The following RREB1 variants were observed in gnomAD, a reference collection of about 807,000 sequenced individuals.
RREB1 encodes ras responsive element binding protein 1.
RREB1 carries 27 observed loss-of-function variants against 117.8 expected under a neutral mutation model. The observed-to-expected ratio is 0.23, with a 90% CI of 0.17 to 0.32. The LOEUF is 0.32. RREB1 is among the 10% of genes least tolerant of loss of function. RREB1 has a pLI of 1.00. For missense variants in RREB1, 2,577 were observed against 2,378.2 expected (o/e 1.08, Z -1.74); for synonymous variants, 1,298 against 1,026.7 (o/e 1.26, Z -5.05).
intron 10 of RREB1, among the ~76,000 whole-genome samples, chr6:7,238,566 A>G (rs1357092350): frequency 6.6e-6 from 1 of 152,160 alleles, no homozygotes; most frequent in East Asian, 1.9e-4. Flanking sequence ...ACGCACCATG[A>G]ACACTGACAT....
At chr6:7,109,103 G>A (rs902060390) in intron 1 of RREB1, among the ~76,000 whole-genome samples, 2 of 151,652 alleles carry the variant, frequency 1.3e-5, no homozygotes, top group East Asian at 4.0e-4. Flanking sequence ...GGCCGCCGGG[G>A]CCCGCTCCGC....
chr6:7,160,352 A>G (rs1324224000), intron 1 of RREB1, among the ~76,000 whole-genome samples: 1 of 152,220 alleles, frequency 6.6e-6, no homozygotes, highest in Non-Finnish European at 1.5e-5. Flanking sequence ...AAATAGTGAC[A>G]TCAAATTATA....
chr6:7,190,375 C>T (rs1765340322), intron 6 of RREB1, among the ~76,000 whole-genome samples: 1 of 152,250 alleles, frequency 6.6e-6, no homozygotes, highest in African/African-American at 2.4e-5. Flanking sequence ...GCTGAGGATT[C>T]GGTGCTAATT....
intron 6 of RREB1, among the ~76,000 whole-genome samples, chr6:7,209,085 C>G (rs1766435913): frequency 6.6e-6 from 1 of 152,190 alleles, no homozygotes; most frequent in East Asian, 1.9e-4. Context: ...TTTATGAAAA[C>G]AGCTTCTTTC....
At position 7,226,493 on chromosome 6, in the gene RREB1, G is replaced by C. The variant is rs756727007; in HGVS notation, c.734G>C (p.Arg245Pro). Reference sequence around the variant, plus strand: ...TGTGACATTTGTTGTGTCACCTTTCGAACACATCGAGGACTGCTGCGTCAC... The same window carrying C: ...TGTGACATTTGTTGTGTCACCTTTCCAACACATCGAGGACTGCTGCGTCAC... ...LRCDICCVTF[R>P]THRGLLRHNA... Residue 245 changes from arginine to proline, a missense_variant, in exon 9 of 13, where the codon CGA becomes CCA. Transcript: ENST00000379938. The C allele has an allele frequency of 6.2e-7, 1 of 1,612,844 alleles. No individual in the cohort carries two copies. The highest frequency in any genetic ancestry group is 1.1e-5 in the South Asian group (1 of 90,852).
intron 1 of RREB1, among the ~76,000 whole-genome samples, chr6:7,143,171 A>ACC (rs1331112755): frequency 6.6e-6 from 1 of 152,176 alleles, no homozygotes; most frequent in African/African-American, 2.4e-5. Flanking sequence ...CTTGCTGCAA[A>ACC]CCCGAGTGTT....
chr6:7,208,145 A>G (rs1323153297), intron 6 of RREB1, among the ~76,000 whole-genome samples: 1 of 152,188 alleles, frequency 6.6e-6, no homozygotes, highest in East Asian at 1.9e-4. Context: ...TGAGAGAAAG[A>G]CAAGACCCAA....
intron 1 of RREB1, among the ~76,000 whole-genome samples, chr6:7,122,078 G>T (rs1360100317): frequency 6.6e-6 from 1 of 152,116 alleles, no homozygotes; most frequent in African/African-American, 2.4e-5. Context: ...GTCTTATTGG[G>T]CTCCCATTTT....
chr6:7,136,138 GA>G (rs925754724), intron 1 of RREB1, among the ~76,000 whole-genome samples: 7 of 152,046 alleles, frequency 4.6e-5, no homozygotes, highest in Non-Finnish European at 7.4e-5. Context: ...GTTTCTGGGG[GA>G]AAAAACCCAC....
At chr6:7,224,816 G>C (rs931828340) in intron 8 of RREB1, among the ~76,000 whole-genome samples, 3 of 152,094 alleles carry the variant, frequency 2.0e-5, no homozygotes, top group African/African-American at 4.8e-5. Context: ...CCACAGTGGT[G>C]AGCTCAGCAG....
chr6:7,211,996 A>C (rs950743619), intron 8 of RREB1: 6 of 400,540 alleles, frequency 1.5e-5, no homozygotes, highest in Admixed American at 4.1e-5. Flanking sequence ...GTCTGCTATC[A>C]TGGGTGTTCT....
chr6:7,211,063 C>A (rs1164620773), intron 7 of RREB1, 115 bp downstream of exon 7: 1 of 1,043,802 alleles, frequency 9.6e-7, no homozygotes, highest in South Asian at 1.6e-5. Flanking sequence ...AAGCTCTTAA[C>A]GTGTGTTTTC....
chr6:7,191,208 GTATTCACTT>G (rs1765383932), intron 6 of RREB1, among the ~76,000 whole-genome samples: 1 of 151,324 alleles, frequency 6.6e-6, no homozygotes. Context: ...ACACATGTCT[GTATTCACTT>G]TTCATTTTTT....
At chr6:7,242,977 C>A (rs1005678141) in intron 11 of RREB1, among the ~76,000 whole-genome samples, 3 of 152,192 alleles carry the variant, frequency 2.0e-5, no homozygotes, top group Non-Finnish European at 4.4e-5. Flanking sequence ...GAGGGATATG[C>A]CCTTGGTCCT....
intron 1 of RREB1, among the ~76,000 whole-genome samples, chr6:7,123,128 A>ATCT (rs1193921139): frequency 6.6e-6 from 1 of 151,736 alleles, no homozygotes; most frequent in Admixed American, 6.6e-5. Flanking sequence ...ATGTTAGACC[A>ATCT]TCTGATGCAT....
intron 1 of RREB1, among the ~76,000 whole-genome samples, chr6:7,110,089 T>G (rs1411168760): frequency 1.3e-5 from 2 of 152,198 alleles, no homozygotes; most frequent in African/African-American, 4.8e-5. Flanking sequence ...TGCTAGTGCA[T>G]CTCCATTATT....
chr6:7,174,009 A>T (rs908771488), intron 1 of RREB1, among the ~76,000 whole-genome samples: 5 of 152,050 alleles, frequency 3.3e-5, no homozygotes, highest in Non-Finnish European at 5.9e-5. Context: ...GCCCTCTCTT[A>T]GTCCTCCTGC....
chr6:7,119,834 T>C (rs1378827921), intron 1 of RREB1, among the ~76,000 whole-genome samples: 1 of 152,066 alleles, frequency 6.6e-6, no homozygotes, highest in Non-Finnish European at 1.5e-5. Flanking sequence ...AGAATGTCAG[T>C]TAGAACGCTA....
At chr6:7,148,634 A>G (rs1013503797) in intron 1 of RREB1, among the ~76,000 whole-genome samples, 4 of 152,180 alleles carry the variant, frequency 2.6e-5, no homozygotes, top group Admixed American at 6.5e-5. Flanking sequence ...AAAAGGCTGA[A>G]TTAATCATAC....
Sources: gnomAD v4.1 joint callset for allele counts (sites outside exome capture counted in the v4.1 genomes callset) on GRCh38, gnomAD v4.1.1 for gene constraint, MANE v1.5 for transcripts, NCBI Gene and HGNC (gene_info 2026-07-23, HGNC 2026-07-21) for gene names.